PKHD1: variants seen among roughly 807,000 people sequenced by gnomAD.
The protein encoded by PKHD1 is fibrocystin.
A neutral mutation model predicts 412.0 loss-of-function variants in PKHD1; 291 were observed. The ratio of observed to expected loss-of-function variants is 0.71; its 90% CI spans 0.64 to 0.78. PKHD1 has a LOEUF of 0.78. PKHD1 is among the 30% of genes least tolerant of loss of function. The pLI, the probability that PKHD1 is intolerant of heterozygous loss-of-function variation, is 0.00. For synonymous variants in PKHD1, 1,777 were observed against 1,821.5 expected (o/e 0.98, Z 0.62); for missense variants, 4,825 against 4,950.7 (o/e 0.97, Z 0.76).
At chr6:52,055,448 G>T in intron 19 of PKHD1, 139 bp downstream of exon 19, 1 of 901,942 alleles carries the variant, frequency 1.1e-6, no homozygotes, top group Non-Finnish European at 1.8e-6. Flanking sequence ...GCAGTCGAGA[G>T]ACCTAGAACC....
intron 11 of PKHD1, 72 bp from the exon 12 acceptor site, chr6:52,066,149 A>G: frequency 1.5e-6 from 1 of 686,154 alleles, no homozygotes; most frequent in Non-Finnish European, 2.6e-6. Flanking sequence ...TAATAATATA[A>G]TAATAGGAGA....
intron 60 of PKHD1, among the ~76,000 whole-genome samples, chr6:51,702,858 T>C (rs1779604457): frequency 6.6e-6 from 1 of 151,142 alleles, no homozygotes; most frequent in Admixed American, 6.6e-5. Flanking sequence ...ATGTACCAAA[T>C]TTTTTCTGGG....
At chr6:51,856,196 T>C (rs1773285783) in intron 48 of PKHD1, 126 bp from the exon 49 acceptor site, 3 of 727,160 alleles carry the variant, frequency 4.1e-6, no homozygotes, top group South Asian at 1.5e-5. Context: ...TTAGGCCCTC[T>C]TTAGTTGTAT....
At chr6:51,952,530 C>G (rs1293324743) in intron 36 of PKHD1, among the ~76,000 whole-genome samples, 1 of 152,068 alleles carries the variant, frequency 6.6e-6, no homozygotes, top group Non-Finnish European at 1.5e-5. Context: ...CTTTATAAGC[C>G]TCCAAAATGG....
chr6:51,658,906 C>T (rs1184241934), intron 61 of PKHD1, 46 bp downstream of exon 61: 2 of 1,260,502 alleles, frequency 1.6e-6, no homozygotes, highest in Non-Finnish European at 2.3e-6. Context: ...CAATATGGAC[C>T]TAAAAAATCA....
At chr6:51,840,004 G>A (rs1002029849) in intron 50 of PKHD1, among the ~76,000 whole-genome samples, 6 of 152,082 alleles carry the variant, frequency 3.9e-5, no homozygotes, top group African/African-American at 1.4e-4. Flanking sequence ...TGTGCTGGCT[G>A]TTGGCTCTCT....
intron 54 of PKHD1, among the ~76,000 whole-genome samples, chr6:51,775,282 A>T (rs1790821920): frequency 6.6e-6 from 1 of 151,858 alleles, no homozygotes; most frequent in African/African-American, 2.4e-5. Context: ...TTTAAATCTG[A>T]TGAACATTCT....
intron 50 of PKHD1, among the ~76,000 whole-genome samples, chr6:51,842,758 T>A (rs181063226): frequency 6.6e-6 from 1 of 152,122 alleles, no homozygotes; most frequent in Non-Finnish European, 1.5e-5. Flanking sequence ...GGAAAGTCAG[T>A]GATTATACGC....
chr6:51,850,504 A>G (rs9357711), intron 49 of PKHD1, among the ~76,000 whole-genome samples: 61,268 of 152,118 alleles, frequency 0.4, 13,530 homozygotes, highest in East Asian at 0.85. Flanking sequence ...TTTTCACGAC[A>G]TTGATTCTTC....
rs1293661108 is a variant in PKHD1, at chr6:51,618,541, A to G, written c.*540T>C. The G allele has an allele frequency of 1.8e-5, 3 of 169,706 alleles. No individual in the cohort carries two copies. Among genetic ancestry groups the G allele is most frequent in the African/African-American group, 7.2e-5 (3 of 41,578 alleles). 10.5% of individuals were successfully genotyped at this position (169,706 alleles called of 1,614,324 possible). A position where few individuals can be genotyped will look rare whatever the true frequency, so the allele number is the denominator to read the frequency against. ...AACCATGAAATAAAATCCACTTGTA[A>G]AAAGCCAGGAAGTTGCCTTGTGGTT... On this transcript the variant is annotated 3_prime_UTR_variant, in exon 67 of 67. Coordinates refer to ENST00000371117, the MANE Select transcript of PKHD1 (RefSeq NM_138694.4).
At chr6:51,949,095 CATTAG>C (rs1181221693) in intron 36 of PKHD1, among the ~76,000 whole-genome samples, 3 of 152,142 alleles carry the variant, frequency 2.0e-5, no homozygotes, top group Non-Finnish European at 4.4e-5. Flanking sequence ...AACCCCAATT[CATTAG>C]ATTAATCTGT....
chr6:52,035,767 G>C, intron 27 of PKHD1, 46 bp from the exon 28 acceptor site: 1 of 1,594,732 alleles, frequency 6.3e-7, no homozygotes. Context: ...AACCATACAG[G>C]CAGACAAAAA....
chr6:52,052,937 C>T (rs1178589045), intron 21 of PKHD1, 139 bp downstream of exon 21: 2 of 734,834 alleles, frequency 2.7e-6, no homozygotes, highest in African/African-American at 1.7e-5. Flanking sequence ...ATCCCAGCCC[C>T]ATCTGTTTTC....
intron 60 of PKHD1, among the ~76,000 whole-genome samples, chr6:51,674,805 T>C (rs2150525417): frequency 6.6e-6 from 1 of 152,312 alleles, no homozygotes; most frequent in South Asian, 2.1e-4. Context: ...CAAGAGTCCA[T>C]TTGCTGTGTT....
rs760828516 is a variant in PKHD1, at chr6:51,909,411, G to C, written c.6554C>G (p.Ala2185Gly). The change falls in exon 40 of 67, where the codon GCC (alanine) becomes GGC (glycine). Residue 2185 changes from alanine (A) to glycine (G), a missense_variant. Physicochemically the swap from Ala to Gly is moderately conservative, Grantham distance 60 (BLOSUM62 0). Coordinates refer to ENST00000371117, the MANE Select transcript of PKHD1 (RefSeq NM_138694.4). ...EKMLGSRDMG[A>G]RVIVQSFPEE... ...TGGGAAGGACTGAACGATCACTCTGGCTCCCATATCCCTGGATCCTAGCAT... is the reference window on the plus strand; with the variant it reads ...TGGGAAGGACTGAACGATCACTCTGCCTCCCATATCCCTGGATCCTAGCAT... 6.2e-7 allele frequency: 1 copy of C among 1,613,250 alleles called. No individual in the cohort carries two copies. The highest frequency in any genetic ancestry group is 8.5e-7 in the Non-Finnish European group (1 of 1,179,424).
intron 36 of PKHD1, among the ~76,000 whole-genome samples, chr6:51,956,341 GAAC>G (rs1392707734): frequency 5.9e-5 from 9 of 151,486 alleles, no homozygotes; most frequent in African/African-American, 9.7e-5. Flanking sequence ...TAATCAGTGA[GAAC>G]AACTAAGGAC....
chr6:51,733,402 T>C (rs1783458181), intron 60 of PKHD1, among the ~76,000 whole-genome samples: 1 of 151,656 alleles, frequency 6.6e-6, no homozygotes, highest in South Asian at 2.1e-4. Context: ...TAGCCGGGCG[T>C]GGTGGTGGGA....
chr6:51,908,527 C>T (rs1342588300), intron 40 of PKHD1, among the ~76,000 whole-genome samples: 1 of 152,072 alleles, frequency 6.6e-6, no homozygotes, highest in African/African-American at 2.4e-5. Context: ...GCATCTGCAC[C>T]CCCATTCTGT....
intron 60 of PKHD1, among the ~76,000 whole-genome samples, chr6:51,663,501 A>T (rs997389765): frequency 6.6e-6 from 1 of 152,186 alleles, no homozygotes; most frequent in African/African-American, 2.4e-5. Flanking sequence ...AGTAGGCATC[A>T]GTGTTCTTAA....
Sources: allele counts gnomAD v4.1 joint callset (sites outside exome capture counted in the v4.1 genomes callset), GRCh38; gene constraint gnomAD v4.1.1; transcripts MANE v1.5; gene names NCBI Gene and HGNC (gene_info 2026-07-23, HGNC 2026-07-21).